CNTNAP2: variants seen among roughly 807,000 people sequenced by gnomAD.
CNTNAP2 encodes contactin-associated protein-like 2.
CNTNAP2 carries 98 observed loss-of-function variants against 155.2 expected under a neutral mutation model. The observed-to-expected ratio is 0.63, with a 90% CI of 0.54 to 0.75. The LOEUF is 0.75. Among genes scored for constraint, CNTNAP2 ranks in the 30% least tolerant of loss-of-function variants. CNTNAP2 has a pLI of 0.00. For missense variants in CNTNAP2, 1,727 were observed against 1,688.1 expected (o/e 1.02, Z -0.40); for synonymous variants, 651 against 631.2 (o/e 1.03, Z -0.47).
intron 3 of CNTNAP2, among the ~76,000 whole-genome samples, chr7:146,870,557 A>G (rs1199563640): frequency 6.6e-6 from 1 of 152,166 alleles, no homozygotes; most frequent in Non-Finnish European, 1.5e-5. Context: ...CTATATATTC[A>G]AAGTTTTAAA....
intron 11 of CNTNAP2, among the ~76,000 whole-genome samples, chr7:147,495,994 G>C (rs527718198): frequency 1.3e-5 from 2 of 152,116 alleles, no homozygotes; most frequent in African/African-American, 2.4e-5. Context: ...CTGTGCATGC[G>C]AGGGATGTAG....
chr7:148,137,635 C>T (rs1157449303), intron 16 of CNTNAP2, among the ~76,000 whole-genome samples: 2 of 148,550 alleles, frequency 1.3e-5, no homozygotes, highest in Non-Finnish European at 3.0e-5. Context: ...GCACTCCAGC[C>T]TGGGCAACAG....
intron 9 of CNTNAP2, among the ~76,000 whole-genome samples, chr7:147,368,538 C>T (rs1183303596): frequency 1.3e-5 from 2 of 152,136 alleles, no homozygotes; most frequent in East Asian, 3.9e-4. Context: ...ATGAAACACT[C>T]CCACTGCTTG....
chr7:146,478,532 A>G (rs1046575650), intron 1 of CNTNAP2, among the ~76,000 whole-genome samples: 2 of 151,886 alleles, frequency 1.3e-5, no homozygotes, highest in Non-Finnish European at 1.5e-5. Flanking sequence ...AAGATAGGTT[A>G]ATTTGACTAA....
chr7:147,297,481 G>A (rs1794852179), intron 8 of CNTNAP2, among the ~76,000 whole-genome samples: 1 of 152,192 alleles, frequency 6.6e-6, no homozygotes, highest in African/African-American at 2.4e-5. Context: ...AATGTTGGGA[G>A]AGAGAGGAAA....
At chr7:147,849,587 C>A (rs552517891) in intron 13 of CNTNAP2, among the ~76,000 whole-genome samples, 1 of 152,294 alleles carries the variant, frequency 6.6e-6, no homozygotes, top group African/African-American at 2.4e-5. Flanking sequence ...TGATAAGTAT[C>A]CACAGGACAC....
At chr7:146,362,232 C>T (rs1352731836) in intron 1 of CNTNAP2, among the ~76,000 whole-genome samples, 7 of 152,118 alleles carry the variant, frequency 4.6e-5, no homozygotes, top group South Asian at 2.1e-4. Context: ...ATGCACTACA[C>T]GGTGAAAACA....
intron 1 of CNTNAP2, among the ~76,000 whole-genome samples, chr7:146,184,582 G>C (rs1052358315): frequency 1.3e-5 from 2 of 152,060 alleles, no homozygotes; most frequent in Non-Finnish European, 2.9e-5. Flanking sequence ...TTGGTCTCAG[G>C]CTCAGCTAAA....
At chr7:146,472,745 C>T (rs1471077667) in intron 1 of CNTNAP2, among the ~76,000 whole-genome samples, 2 of 151,326 alleles carry the variant, frequency 1.3e-5, no homozygotes, top group Admixed American at 6.6e-5. Context: ...CTTTCTTAGC[C>T]ACGTAGTTGG....
intron 10 of CNTNAP2, 130 bp from the exon 11 acceptor site, chr7:147,485,805 A>G (rs1487824474): frequency 2.4e-6 from 2 of 839,206 alleles, no homozygotes; most frequent in Non-Finnish European, 4.1e-6. Context: ...GCTTAAACTA[A>G]CAAGGATTAA....
At chr7:148,059,846 A>C (rs539398145) in intron 15 of CNTNAP2, among the ~76,000 whole-genome samples, 1 of 151,724 alleles carries the variant, frequency 6.6e-6, no homozygotes, top group East Asian at 1.9e-4. Flanking sequence ...ATCTAATGCA[A>C]ATTAATACTT....
intron 1 of CNTNAP2, among the ~76,000 whole-genome samples, chr7:146,250,677 C>T (rs879474175): frequency 6.6e-6 from 1 of 152,102 alleles, no homozygotes; most frequent in Admixed American, 6.6e-5. Context: ...TAGCCAGTAT[C>T]CAGCAAGGCC....
chr7:148,393,913 C>A (rs1022059731), intron 22 of CNTNAP2, among the ~76,000 whole-genome samples: 1 of 151,458 alleles, frequency 6.6e-6, no homozygotes, highest in African/African-American at 2.4e-5. Context: ...TTATTTATAT[C>A]TTTATATTCT....
At chr7:148,105,802 G>A (rs753705886) in intron 15 of CNTNAP2, among the ~76,000 whole-genome samples, 5 of 152,094 alleles carry the variant, frequency 3.3e-5, no homozygotes, top group Admixed American at 6.6e-5. Context: ...GGCCAGGCTC[G>A]TCTTGAACTC....
intron 1 of CNTNAP2, among the ~76,000 whole-genome samples, chr7:146,204,901 A>T (rs1798922792): frequency 6.6e-6 from 1 of 152,030 alleles, no homozygotes; most frequent in African/African-American, 2.4e-5. Context: ...AGACATGGGA[A>T]CATTACATAA....
chr7:147,047,967 G>A (rs555790670), intron 4 of CNTNAP2, among the ~76,000 whole-genome samples: 55 of 152,150 alleles, frequency 3.6e-4, no homozygotes, highest in Non-Finnish European at 5.9e-4. Flanking sequence ...AGTAGGTTGG[G>A]TAATGGCCTA....
chr7:148,220,060 T>C (rs1383023782), intron 19 of CNTNAP2, among the ~76,000 whole-genome samples: 1 of 152,232 alleles, frequency 6.6e-6, no homozygotes, highest in African/African-American at 2.4e-5. Context: ...CCTAAAGAAA[T>C]AAGCCAAAAG....
chr7:148,165,523 C>G (rs996493562), intron 17 of CNTNAP2, among the ~76,000 whole-genome samples: 5 of 152,112 alleles, frequency 3.3e-5, no homozygotes, highest in African/African-American at 1.2e-4. Flanking sequence ...TGCCTATACT[C>G]AATAATAGCA....
chr7:147,952,680 T>C (rs2707585), intron 14 of CNTNAP2, among the ~76,000 whole-genome samples: 70,711 of 151,902 alleles, frequency 0.47, 17,804 homozygotes, highest in Middle Eastern at 0.7. Flanking sequence ...CTCATGTTGA[T>C]GAAGTATAAA....
Sources: allele counts gnomAD v4.1 joint callset (sites outside exome capture counted in the v4.1 genomes callset), GRCh38; gene constraint gnomAD v4.1.1; transcripts MANE v1.5; gene names NCBI Gene and HGNC (gene_info 2026-07-23, HGNC 2026-07-21).